The following PXDNL variants were observed in gnomAD, a reference collection of about 807,000 sequenced individuals.
PXDNL encodes peroxidasin like.
PXDNL carries 145 observed loss-of-function variants against 150.8 expected under a neutral mutation model. The observed-to-expected ratio is 0.96, with a 90% CI of 0.84 to 1.10. PXDNL has a LOEUF of 1.10. PXDNL is among the 50% of genes least tolerant of loss of function. PXDNL has a pLI of 0.00. For missense variants in PXDNL, 2,087 were observed against 1,873.9 expected (o/e 1.11, Z -2.10); for synonymous variants, 757 against 725.7 (o/e 1.04, Z -0.69).
chr8:51,358,388 T>C (rs1162571645), intron 19 of PXDNL, among the ~76,000 whole-genome samples: 1 of 152,216 alleles, frequency 6.6e-6, no homozygotes, highest in African/African-American at 2.4e-5. Context: ...GTTTTAGAAC[T>C]GAATTCCAGG....
At chr8:51,576,211 A>C (rs7831833) in intron 3 of PXDNL, among the ~76,000 whole-genome samples, 4,093 of 151,094 alleles carry the variant, frequency 0.027, 176 homozygotes, top group African/African-American at 0.092. Context: ...AAAAAAAAAA[A>C]AAACAAACAA....
At chr8:51,773,741 A>G (rs186598478) in intron 1 of PXDNL, among the ~76,000 whole-genome samples, 5 of 152,354 alleles carry the variant, frequency 3.3e-5, no homozygotes, top group East Asian at 3.9e-4. Flanking sequence ...CTAAGAAACA[A>G]TGTTTTCAAA....
intron 4 of PXDNL, 82 bp downstream of exon 4, chr8:51,556,758 A>G (rs917981514): frequency 5.1e-5 from 38 of 749,090 alleles, no homozygotes; most frequent in African/African-American, 1.8e-5. Context: ...TAATTGTTCA[A>G]CTATCACATA....
At chr8:51,617,968 C>T (rs914032214) in intron 2 of PXDNL, among the ~76,000 whole-genome samples, 1 of 152,228 alleles carries the variant, frequency 6.6e-6, no homozygotes, top group Non-Finnish European at 1.5e-5. Context: ...AGCCTTGCTC[C>T]AATACGGGGA....
intron 22 of PXDNL, 44 bp downstream of exon 22, chr8:51,320,740 A>AG: frequency 7.6e-7 from 1 of 1,308,800 alleles, no homozygotes; most frequent in Non-Finnish European, 1.0e-6. Flanking sequence ...CTGGCTGGCT[A>AG]GAAGTGAAAT....
At chr8:51,575,214 A>G (rs939923884) in intron 3 of PXDNL, among the ~76,000 whole-genome samples, 2 of 152,034 alleles carry the variant, frequency 1.3e-5, no homozygotes, top group African/African-American at 2.4e-5. Context: ...ATGTATATGT[A>G]TTTAATACCT....
chr8:51,734,946 T>C (rs9650304), intron 1 of PXDNL, among the ~76,000 whole-genome samples: 1 of 152,170 alleles, frequency 6.6e-6, no homozygotes, highest in Non-Finnish European at 1.5e-5. Flanking sequence ...AAAATTTTGG[T>C]TAAACAGGAA....
At chr8:51,793,830 C>T (rs12546934) in intron 1 of PXDNL, among the ~76,000 whole-genome samples, 104,388 of 151,782 alleles carry the variant, frequency 0.69, 42,329 homozygotes, top group Non-Finnish European at 0.9. Context: ...GAGGCAGAGG[C>T]TGCAATGAGC....
In PXDNL at chr8:51,458,662, A is replaced by G. The variant is rs1423392609; in HGVS notation, c.813-995T>C. Among the ~76,000 whole-genome samples, 5 of 152,186 alleles carry G rather than the reference A, an allele frequency of 3.3e-5. No individual in the cohort carries two copies. The East Asian group carries it at 9.6e-4, about 29-fold the overall frequency. On this transcript the variant is annotated intron_variant, in intron 8 of 22. Coordinates refer to ENST00000356297, the MANE Select transcript of PXDNL (RefSeq NM_144651.5). ...CCATAGTTCTCCCTTTAACTCATGTATTTGTTTTATAAAGCCAGGTAAACA... is the reference window on the plus strand; with the variant it reads ...CCATAGTTCTCCCTTTAACTCATGTGTTTGTTTTATAAAGCCAGGTAAACA...
Position 51,800,921 on chromosome 8 carries a change from A to T in PXDNL, c.164+8260T>A, listed in dbSNP as rs148195322. 9.2e-5 allele frequency among the ~76,000 whole-genome samples: 14 copies of T among 152,298 alleles called. No individual in the cohort carries two copies. In the East Asian group the frequency reaches 2.5e-3, roughly 27 times the overall value. Reference sequence around the variant, plus strand: ...CTGATTGTAAAACACGGGTGTTTGAACAATATGAAATCAGTGCACCTTGGA... The same window carrying T: ...CTGATTGTAAAACACGGGTGTTTGATCAATATGAAATCAGTGCACCTTGGA... On this transcript the variant is annotated intron_variant, in intron 1 of 22. Transcript: ENST00000356297.
chr8:51,653,799 C>G (rs1056792280), intron 2 of PXDNL, among the ~76,000 whole-genome samples: 5 of 121,350 alleles, frequency 4.1e-5, no homozygotes, highest in African/African-American at 7.5e-5. Context: ...CTAACTCTAT[C>G]ATGAGAATAT....
intron 1 of PXDNL, among the ~76,000 whole-genome samples, chr8:51,667,288 A>T (rs1815404922): frequency 6.6e-6 from 1 of 152,166 alleles, no homozygotes; most frequent in African/African-American, 2.4e-5. Flanking sequence ...GCCCCAAGTC[A>T]CTGTGTTCAT....
At chr8:51,633,323 T>C (rs1050325847) in intron 2 of PXDNL, among the ~76,000 whole-genome samples, 23 of 152,102 alleles carry the variant, frequency 1.5e-4, no homozygotes, top group African/African-American at 5.1e-4. Flanking sequence ...AGGTTGATTC[T>C]GTCTTTGTTA....
intron 3 of PXDNL, among the ~76,000 whole-genome samples, chr8:51,562,278 A>G (rs918172775): frequency 3.9e-5 from 6 of 152,006 alleles, no homozygotes; most frequent in African/African-American, 1.2e-4. Flanking sequence ...TGTATAAAAT[A>G]TTATGTTACT....
chr8:51,609,420 G>C (rs759138557), intron 2 of PXDNL, among the ~76,000 whole-genome samples: 1 of 152,112 alleles, frequency 6.6e-6, no homozygotes, highest in African/African-American at 2.4e-5. Context: ...TCTATCCCGG[G>C]GTCCTTGACC....
chr8:51,711,544 T>C (rs745796505), intron 1 of PXDNL, among the ~76,000 whole-genome samples: 16 of 152,162 alleles, frequency 1.1e-4, no homozygotes, highest in Non-Finnish European at 2.4e-4. Flanking sequence ...CAGTTGAGAG[T>C]TTGTCATGAA....
rs1563418366 is a variant in PXDNL, at chr8:51,452,923, C to CACAT, written c.1249+595_1249+596insATGT. 3.1e-5 allele frequency among the ~76,000 whole-genome samples: 3 copies of CACAT among 97,610 alleles called. No individual in the cohort carries two copies. In the Admixed American group the frequency reaches 3.3e-4, roughly 11 times the overall value. 64.0% of individuals were successfully genotyped at this position (97,610 alleles called of 152,430 possible). ...AGGCACACATGCACACACACACAAA[C>CACAT]GCACACACACAAACACACACACACA... On this transcript the variant is annotated intron_variant, in intron 10 of 22. Transcript: ENST00000356297.
Position 51,644,482 on chromosome 8 carries a change from C to T in PXDNL, c.236+10207G>A, listed in dbSNP as rs570471839. Among the ~76,000 whole-genome samples, 23 of 145,248 alleles carry T rather than the reference C, an allele frequency of 1.6e-4. 1 individual carries two copies. The highest frequency in any genetic ancestry group is 4.5e-4 in the South Asian group (2 of 4,494). ...TTTTGTTTTTGTTTTTGTTTTGAGA[C>T]GGAGTCTCGATCTGTCGCCCAGGCT... On this transcript the variant is annotated intron_variant, in intron 2 of 22. Coordinates refer to ENST00000356297, the MANE Select transcript of PXDNL (RefSeq NM_144651.5).
At chr8:51,573,730 A>G (rs1188651000) in intron 3 of PXDNL, among the ~76,000 whole-genome samples, 1 of 152,012 alleles carries the variant, frequency 6.6e-6, no homozygotes, top group Non-Finnish European at 1.5e-5. Context: ...AGAAAATTCA[A>G]ATAAGATCCA....
Sources: allele counts gnomAD v4.1 joint callset (sites outside exome capture counted in the v4.1 genomes callset), GRCh38; gene constraint gnomAD v4.1.1; transcripts MANE v1.5; gene names NCBI Gene and HGNC (gene_info 2026-07-23, HGNC 2026-07-21).